ATP2B1: variants seen among roughly 807,000 people sequenced by gnomAD.
ATP2B1 encodes the protein plasma membrane calcium-transporting ATPase 1.
A neutral mutation model predicts 124.2 loss-of-function variants in ATP2B1; 14 were observed. That is an observed-to-expected ratio of 0.11 (90% CI 0.07 to 0.18). The LOEUF (loss-of-function observed/expected upper bound fraction) is 0.18, where lower values mean the gene tolerates loss of function less well. Among genes scored for constraint, ATP2B1 ranks in the 10% least tolerant of loss-of-function variants. ATP2B1 has a pLI of 1.00. For missense variants in ATP2B1, 763 were observed against 1,466.1 expected (o/e 0.52, Z 7.83); for synonymous variants, 449 against 492.4 (o/e 0.91, Z 1.17).
intron 20 of ATP2B1, 97 bp downstream of exon 20, chr12:89,599,020 G>A (rs972999459): frequency 3.1e-5 from 43 of 1,383,104 alleles, no homozygotes; most frequent in Middle Eastern, 2.0e-4. Context: ...GGTTGGGAAG[G>A]CTAGAGAGGA....
rs758971258 is a variant in ATP2B1, at chr12:89,655,767, G to A, written c.120C>T (p.Leu40=). 1.9e-6 allele frequency: 3 copies of A among 1,614,118 alleles called. No homozygotes were observed. In the Admixed American group the frequency reaches 5.0e-5, roughly 27 times the overall value. The change falls in exon 2 of 21, where the codon CTC becomes CTT. Residue 40 remains leucine (L), a synonymous_variant. Transcript: ENST00000428670. The stretch of plus-strand genomic sequence containing the variant: ...TTTTTCGTAATGCATCTGTGGACCT[G>A]AGCTCCATGAGAGCCCGCAGCTCTG... ...TLAELRALME[L]RSTDALRKIQ...
chr12:89,613,071 C>T lies in ATP2B1; in HGVS notation c.2068-1699G>A, dbSNP rs142293324. ...GTTGATTCACTGCAACCTCTGCCTC[C>T]CAGGCTCAAGTGATCCTCCCACCTC... On this transcript the variant is annotated intron_variant, in intron 12 of 20. Coordinates refer to ENST00000428670, the MANE Select transcript of ATP2B1 (RefSeq NM_001366521.1). Among the ~76,000 whole-genome samples, 349 of 152,096 alleles carry T rather than the reference C, an allele frequency of 2.3e-3. 2 individuals carry two copies. Among genetic ancestry groups the T allele is most frequent in the African/African-American group, 8.1e-3 (334 of 41,480 alleles).
chr12:89,668,276 C>T (rs1467101241), intron 1 of ATP2B1, among the ~76,000 whole-genome samples: 1 of 152,118 alleles, frequency 6.6e-6, no homozygotes, highest in African/African-American at 2.4e-5. Context: ...TCTTTTATAG[C>T]CCCTACAGAG....
intron 20 of ATP2B1, among the ~76,000 whole-genome samples, chr12:89,595,072 CAG>C (rs1025198614): frequency 1.3e-5 from 2 of 151,968 alleles, no homozygotes; most frequent in African/African-American, 4.8e-5. Context: ...CTATCTGGAA[CAG>C]GGGTTGGTAA....
In ATP2B1 at chr12:89,688,123, C is replaced by T. The variant is rs1045211865; in HGVS notation, c.-222+20473G>A. On this transcript the variant is annotated intron_variant, in intron 1 of 20. Coordinates refer to ENST00000428670, the MANE Select transcript of ATP2B1 (RefSeq NM_001366521.1). ...CTTATAAATTAGACATCATTCCACACCAAGGCTCTCAGCAGGCAGGAATCT... is the reference window on the plus strand; with the variant it reads ...CTTATAAATTAGACATCATTCCACATCAAGGCTCTCAGCAGGCAGGAATCT... Among the ~76,000 whole-genome samples the T allele has an allele frequency of 5.3e-5, 8 of 152,028 alleles. 1 individual carries two copies. Among genetic ancestry groups the T allele is most frequent in the African/African-American group, 1.7e-4 (7 of 41,412 alleles).
At chr12:89,636,334 A>G (rs1882709022) in intron 3 of ATP2B1, among the ~76,000 whole-genome samples, 1 of 152,142 alleles carries the variant, frequency 6.6e-6, no homozygotes, top group Admixed American at 6.6e-5. Context: ...TCCAAAATCA[A>G]TTCAGTGGCT....
At chr12:89,633,290 TTTC>T (rs1311975618) in intron 5 of ATP2B1, among the ~76,000 whole-genome samples, 1 of 151,922 alleles carries the variant, frequency 6.6e-6, no homozygotes, top group African/African-American at 2.4e-5. Context: ...AATGTTCTTT[TTTC>T]TTTTTTTTAA....
chr12:89,687,274 C>T lies in ATP2B1; in HGVS notation c.-222+21322G>A, dbSNP rs1311341499. On this transcript the variant is annotated intron_variant, in intron 1 of 20. Transcript: ENST00000428670. Reference sequence around the variant, plus strand: ...GTTTAGATACACAAACATTTACTGTCGTGTTACACTGCCTACAATATTTAG... The same window carrying T: ...GTTTAGATACACAAACATTTACTGTTGTGTTACACTGCCTACAATATTTAG... Among the ~76,000 whole-genome samples, 3 of 152,064 alleles carry T rather than the reference C, an allele frequency of 2.0e-5. No individual in the cohort carries two copies. The East Asian group carries it at 5.8e-4, about 29-fold the overall frequency.
chr12:89,670,964 A>AG (rs1362707666), intron 1 of ATP2B1, among the ~76,000 whole-genome samples: 2 of 149,528 alleles, frequency 1.3e-5, no homozygotes, highest in Non-Finnish European at 3.0e-5. Flanking sequence ...AAAAAAAAAA[A>AG]AAGGGGTGGG....
chr12:89,606,069 C>G (rs1876793834), intron 15 of ATP2B1, among the ~76,000 whole-genome samples: 1 of 143,188 alleles, frequency 7.0e-6, no homozygotes, highest in Non-Finnish European at 1.5e-5. Flanking sequence ...CAGTAGACCA[C>G]ACAGATCAGG....
intron 2 of ATP2B1, among the ~76,000 whole-genome samples, chr12:89,651,717 CT>C (rs1885278024): frequency 6.6e-6 from 1 of 152,080 alleles, no homozygotes; most frequent in South Asian, 2.1e-4. Flanking sequence ...TAGTGCAACT[CT>C]TTTACAAGCT....
Position 89,634,708 on chromosome 12 carries a change from T to C in ATP2B1, c.787+70A>G, listed in dbSNP as rs1451732237. The C allele has an allele frequency of 2.8e-6, 4 of 1,408,888 alleles. No individual in the cohort carries two copies. The East Asian group carries it at 7.0e-5, about 25-fold the overall frequency. 87.3% of individuals were successfully genotyped at this position (1,408,888 alleles called of 1,614,324 possible). ...TTTATATTATTGACTCTTAGGAAAA[T>C]GGTGTTTGCTGACAATGGTACATAG... On this transcript the variant is annotated intron_variant, in intron 5 of 20. Transcript: ENST00000428670.
intron 1 of ATP2B1, among the ~76,000 whole-genome samples, chr12:89,669,666 AAC>A (rs1887710024): frequency 6.6e-6 from 1 of 152,178 alleles, no homozygotes; most frequent in Non-Finnish European, 1.5e-5. Context: ...CTTAATAAAA[AAC>A]AGTCATGAAC....
intron 1 of ATP2B1, among the ~76,000 whole-genome samples, chr12:89,665,568 G>A (rs1202559818): frequency 6.6e-6 from 1 of 152,118 alleles, no homozygotes; most frequent in African/African-American, 2.4e-5. Context: ...ATATAATCCT[G>A]TGCAGTTTAC....
intron 1 of ATP2B1, among the ~76,000 whole-genome samples, chr12:89,674,253 CT>C (rs947849844): frequency 6.6e-6 from 1 of 150,856 alleles, no homozygotes. Context: ...CTGGTTGATT[CT>C]TTTTTTAACC....
rs932659752 is a variant in ATP2B1, at chr12:89,624,529, C to G, written c.1130-132G>C. ...ATTGAATTTCTCTGAGAAATTACTT[C>G]TTTCTTGCACCTTATAACTTGACAT... On this transcript the variant is annotated intron_variant, in intron 8 of 20. Transcript: ENST00000428670. 13 of 775,514 alleles carry G rather than the reference C, an allele frequency of 1.7e-5. No homozygotes were observed. In the East Asian group the frequency reaches 3.5e-4, roughly 21 times the overall value. 48.0% of individuals were successfully genotyped at this position (775,514 alleles called of 1,614,324 possible). A position where few individuals can be genotyped will look rare whatever the true frequency, so the allele number is the denominator to read the frequency against.
intron 2 of ATP2B1, among the ~76,000 whole-genome samples, chr12:89,645,120 A>C (rs1340731476): frequency 6.6e-6 from 1 of 152,172 alleles, no homozygotes; most frequent in Non-Finnish European, 1.5e-5. Flanking sequence ...GGAGGGCACT[A>C]ATATCAGTTG....
At chr12:89,640,758 A>T (rs1221065613) in intron 3 of ATP2B1, among the ~76,000 whole-genome samples, 2 of 151,928 alleles carry the variant, frequency 1.3e-5, no homozygotes, top group Non-Finnish European at 1.5e-5. Context: ...ACTACTTCAC[A>T]CAAGAGCAGG....
intron 12 of ATP2B1, among the ~76,000 whole-genome samples, chr12:89,616,208 A>C (rs1262471903): frequency 6.6e-6 from 1 of 152,188 alleles, no homozygotes. Flanking sequence ...TGCCTGGCAC[A>C]CAGTAGTTGT....
Sources: gnomAD v4.1 joint callset for allele counts (sites outside exome capture counted in the v4.1 genomes callset) on GRCh38, gnomAD v4.1.1 for gene constraint, MANE v1.5 for transcripts, NCBI Gene and HGNC (gene_info 2026-07-23, HGNC 2026-07-21) for gene names.